The following ADAMTS18 variants were observed in gnomAD, a reference collection of about 807,000 sequenced individuals.
ADAMTS18 encodes ADAM metallopeptidase with thrombospondin type 1 motif 18.
In ADAMTS18, 157 loss-of-function variants were observed where a neutral mutation model predicts 165.9. The ratio of observed to expected loss-of-function variants is 0.95; its 90% confidence interval spans 0.83 to 1.08. ADAMTS18 has a LOEUF of 1.08. ADAMTS18 is among the 50% of genes least tolerant of loss of function. The probability of loss-of-function intolerance (pLI) is 0.00; values close to 1 mark genes in which losing one functional copy is unlikely to be tolerated. For missense variants in ADAMTS18, 2,040 were observed against 1,534.0 expected (o/e 1.33, Z -5.51); for synonymous variants, 782 against 578.2 (o/e 1.35, Z -5.06).
At chr16:77,298,415 A>G (rs17619826) in intron 17 of ADAMTS18, among the ~76,000 whole-genome samples, 4,853 of 152,280 alleles carry the variant, frequency 0.032, 117 homozygotes, top group South Asian at 0.06. Context: ...TCTGAGAAAG[A>G]ATAAGTCACT....
rs112141546 is a variant in ADAMTS18, at chr16:77,367,618, C to A, written c.601G>T (p.Val201Leu). ...YSSPAGHHPH[V>L]LYKRTAEEKI... ...TCCTCTGCTGTCCTTTTGTACAGTA[C>A]GTGAGGATGGTGACCCGCAGGGGAG... The change falls in exon 4 of 23, where the codon GTA becomes TTA. Residue 201 changes from valine (V) to leucine (L), a missense_variant. Transcript: ENST00000282849. 4 of 1,614,024 alleles carry A rather than the reference C, an allele frequency of 2.5e-6. No homozygotes were observed. In the African/African-American group the frequency reaches 4.0e-5, roughly 16 times the overall value.
In ADAMTS18 at chr16:77,300,263, C is replaced by T. The variant is rs1180456140; in HGVS notation, c.2674G>A (p.Gly892Ser). ...QSECSVSCGG[G>S]YINVKAICLR... ...GAGACAGAATGAGAAAATCATCTAC[C>T]TCCACCACAGGAGACGGAGCACTCT... Residue 892 changes from glycine (G) to serine (S), a missense_variant and splice_region_variant, in exon 17 of 23, where the codon GGT becomes AGT. Transcript: ENST00000282849. 3 of 1,613,986 alleles carry T rather than the reference C, an allele frequency of 1.9e-6. No individual in the cohort carries two copies. Among genetic ancestry groups the T allele is most frequent in the Non-Finnish European group, 2.5e-6 (3 of 1,179,932 alleles).
intron 2 of ADAMTS18, among the ~76,000 whole-genome samples, chr16:77,432,784 C>A (rs959106380): frequency 7.2e-6 from 1 of 138,034 alleles, no homozygotes; most frequent in Non-Finnish European, 1.6e-5. Context: ...AAAAAAAAAA[C>A]TAAGGAATAG....
At chr16:77,417,774 T>C (rs893071226) in intron 3 of ADAMTS18, among the ~76,000 whole-genome samples, 8 of 152,216 alleles carry the variant, frequency 5.3e-5, no homozygotes, top group African/African-American at 1.9e-4. Context: ...AAAAAAAGTG[T>C]AAGTGGCCCA....
At chr16:77,404,711 C>T (rs2057372460) in intron 3 of ADAMTS18, among the ~76,000 whole-genome samples, 1 of 152,140 alleles carries the variant, frequency 6.6e-6, no homozygotes, top group Non-Finnish European at 1.5e-5. Context: ...GTATTTCTCA[C>T]AGAGTGCACT....
At chr16:77,338,953 CA>C (rs58380516) in intron 11 of ADAMTS18, among the ~76,000 whole-genome samples, 61,968 of 113,202 alleles carry the variant, frequency 0.55, 14,668 homozygotes, top group East Asian at 0.78. Flanking sequence ...GACTCCATCT[CA>C]AAAAAAAAAA....
At chr16:77,314,649 G>GTGTGTGTGTGTGTGTGTGTGTGTATA (rs10527824) in intron 16 of ADAMTS18, among the ~76,000 whole-genome samples, 4 of 126,476 alleles carry the variant, frequency 3.2e-5, no homozygotes, top group African/African-American at 1.2e-4. Flanking sequence ...GTGTGTGTGT[G>GTGTGTGTGTGTGTGTGTGTGTGTATA]TATATATATA....
At chr16:77,393,787 A>G (rs1274572194) in intron 3 of ADAMTS18, among the ~76,000 whole-genome samples, 1 of 152,192 alleles carries the variant, frequency 6.6e-6, no homozygotes, top group Non-Finnish European at 1.5e-5. Context: ...CACCATCCAA[A>G]CAAAACACTT....
intron 21 of ADAMTS18, 182 bp downstream of exon 21, chr16:77,291,082 CTG>C: frequency 1.7e-6 from 1 of 601,152 alleles, no homozygotes; most frequent in Non-Finnish European, 2.9e-6. Context: ...GATGTGAAAA[CTG>C]AGGTTTACAG....
At chr16:77,334,838 T>C (rs1226323590) in intron 12 of ADAMTS18, among the ~76,000 whole-genome samples, 1 of 127,920 alleles carries the variant, frequency 7.8e-6, no homozygotes, top group Non-Finnish European at 1.6e-5. Flanking sequence ...TACTATAGTA[T>C]ACAGTATATA....
chr16:77,312,649 G>A (rs1172231844), intron 16 of ADAMTS18, among the ~76,000 whole-genome samples: 1 of 152,176 alleles, frequency 6.6e-6, no homozygotes, highest in African/African-American at 2.4e-5. Flanking sequence ...ACAGAGCTAT[G>A]CATGGATTAA....
intron 10 of ADAMTS18, among the ~76,000 whole-genome samples, chr16:77,345,452 A>G (rs2056461905): frequency 1.3e-5 from 2 of 152,144 alleles, no homozygotes; most frequent in Admixed American, 6.5e-5. Flanking sequence ...CCTTCAAAAT[A>G]TTTCCAGAAT....
At chr16:77,433,150 T>C (rs762690276) in intron 2 of ADAMTS18, among the ~76,000 whole-genome samples, 20 of 152,252 alleles carry the variant, frequency 1.3e-4, no homozygotes, top group Non-Finnish European at 2.2e-4. Flanking sequence ...ATGTGCAATT[T>C]CTTAGAGAAA....
chr16:77,362,285 T>G (rs2056727347), intron 6 of ADAMTS18, 21 bp from the exon 7 acceptor site: 2 of 1,613,686 alleles, frequency 1.2e-6, no homozygotes, highest in Non-Finnish European at 1.7e-6. Flanking sequence ...CCCACACAAA[T>G]CAAAGTGTGA....
chr16:77,367,602 G>A lies in ADAMTS18; in HGVS notation c.617C>T (p.Thr206Ile), dbSNP rs2056816459. 1.2e-6 allele frequency: 2 copies of A among 1,614,084 alleles called. No homozygotes were observed. The highest frequency in any genetic ancestry group is 8.5e-7 in the Non-Finnish European group (1 of 1,180,048). ...GTACCGCTGGATCTTCTCCTCTGCT[G>A]TCCTTTTGTACAGTACGTGAGGATG... ...GHHPHVLYKR[T>I]AEEKIQRYRG... Residue 206 changes from threonine to isoleucine, a missense_variant, in exon 4 of 23, where the codon ACA (threonine) becomes ATA (isoleucine). Physicochemically the swap from Thr to Ile is moderately conservative, Grantham distance 89. Transcript: ENST00000282849.
At chr16:77,417,011 G>A (rs12918432) in intron 3 of ADAMTS18, among the ~76,000 whole-genome samples, 2 of 152,116 alleles carry the variant, frequency 1.3e-5, no homozygotes, top group Non-Finnish European at 2.9e-5. Flanking sequence ...AGAGGCAGTT[G>A]CTTACATTGC....
chr16:77,398,379 A>T (rs2057285889), intron 3 of ADAMTS18, among the ~76,000 whole-genome samples: 1 of 152,024 alleles, frequency 6.6e-6, no homozygotes, highest in Non-Finnish European at 1.5e-5. Context: ...AGAAAGAGAG[A>T]GAGAAGAGCA....
chr16:77,371,073 G>A (rs1270558345), intron 3 of ADAMTS18, among the ~76,000 whole-genome samples: 2 of 152,072 alleles, frequency 1.3e-5, no homozygotes, highest in African/African-American at 4.8e-5. Context: ...ATATTAGCCA[G>A]GTGTGGTGGT....
chr16:77,328,396 G>A (rs768057529), intron 12 of ADAMTS18, among the ~76,000 whole-genome samples: 3 of 152,082 alleles, frequency 2.0e-5, no homozygotes, highest in Non-Finnish European at 4.4e-5. Flanking sequence ...TCTTTAGGAG[G>A]CACAAGCATG....
Sources: gnomAD v4.1 joint callset for allele counts (sites outside exome capture counted in the v4.1 genomes callset) on GRCh38, gnomAD v4.1.1 for gene constraint, MANE v1.5 for transcripts, NCBI Gene and HGNC (gene_info 2026-07-23, HGNC 2026-07-21) for gene names.